WDR82: variants seen among roughly 807,000 people sequenced by gnomAD.
WDR82 encodes the protein WD repeat domain 82, also known as WD repeat-containing protein 82.
A neutral mutation model predicts 36.1 loss-of-function variants in WDR82; 8 were observed. That is an observed-to-expected ratio of 0.22 (90% CI 0.13 to 0.40). The LOEUF is 0.40. Among genes scored for constraint, WDR82 ranks in the 10% least tolerant of loss-of-function variants. The pLI is 1.00. For missense variants in WDR82, 185 were observed against 400.5 expected (o/e 0.46, Z 4.59); for synonymous variants, 129 against 137.8 (o/e 0.94, Z 0.45).
rs1191355353 is a variant in WDR82 at position 52,263,643 on chromosome 3, T to C, written c.327-2164A>G. Reference sequence around the variant, plus strand: ...GGAAAGTGACACATGAGGTTAAACCTAGGGAGAACTAAATAGTTTAACAAC... The same window carrying C: ...GGAAAGTGACACATGAGGTTAAACCCAGGGAGAACTAAATAGTTTAACAAC... On this transcript the variant is annotated intron_variant, in intron 3 of 8. Coordinates refer to ENST00000296490, the MANE Select transcript of WDR82 (RefSeq NM_025222.4). Among the ~76,000 whole-genome samples the C allele has an allele frequency of 2.6e-5, 4 of 152,270 alleles. No individual in the cohort carries two copies. The South Asian group carries it at 8.3e-4, about 32-fold the overall frequency.
Position 52,259,943 on chromosome 3 carries a change from A to C in WDR82, c.544-71T>G, listed in dbSNP as rs1700045995. 5 of 1,501,694 alleles carry C rather than the reference A, an allele frequency of 3.3e-6. No homozygotes were observed. The East Asian group carries it at 9.2e-5, about 27-fold the overall frequency. The allele number at this position is 1,501,694 out of a possible 1,614,324, so 93.0% of individuals were successfully genotyped here. A position where few individuals can be genotyped will look rare whatever the true frequency, so the allele number is the denominator to read the frequency against. ...TTCTGCTAGAGCCAATTCCCATCCTATTCCTTTAGATTACTTTTTGACTAA... is the reference window on the plus strand; with the variant it reads ...TTCTGCTAGAGCCAATTCCCATCCTCTTCCTTTAGATTACTTTTTGACTAA... On this transcript the variant is annotated intron_variant, in intron 5 of 8. Transcript: ENST00000296490.
At chr3:52,262,235 T>C (rs1700068174) in intron 3 of WDR82, among the ~76,000 whole-genome samples, 1 of 152,086 alleles carries the variant, frequency 6.6e-6, no homozygotes, top group Admixed American at 6.5e-5. Flanking sequence ...AGATCAGCAG[T>C]TGGTAGGGGC....
intron 4 of WDR82, 22 bp downstream of exon 4, chr3:52,261,358 T>C: frequency 6.2e-7 from 1 of 1,600,056 alleles, no homozygotes; most frequent in South Asian, 1.1e-5. Context: ...GCTCAAAAAG[T>C]ATAACTGTGA....
chr3:52,258,516 A>C lies in WDR82; in HGVS notation c.912+20T>G. On this transcript the variant is annotated intron_variant, in intron 8 of 8. Coordinates refer to ENST00000296490, the MANE Select transcript of WDR82 (RefSeq NM_025222.4). The stretch of plus-strand genomic sequence containing the variant: ...TGGGAAGGGTCCCTGAGTAGCAGAT[A>C]CCTCTTACTGTTCACATACCATGTT... The C allele has an allele frequency of 6.2e-7, 1 of 1,612,694 alleles. No individual in the cohort carries two copies. The highest frequency in any genetic ancestry group is 8.5e-7 in the Non-Finnish European group (1 of 1,179,840).
intron 3 of WDR82, among the ~76,000 whole-genome samples, chr3:52,263,890 G>A (rs137951053): frequency 6.6e-6 from 1 of 152,342 alleles, no homozygotes; most frequent in Non-Finnish European, 1.5e-5. Flanking sequence ...GGTGCTGGGT[G>A]CAGTGGCTCA....
Position 52,278,426 on chromosome 3 carries a change from G to A in WDR82, c.-65C>T. ...GCGGGGCCCGGCGGCGAGCGGGCGG[G>A]CTGCCGAGGGGCCAACCCAGGCGGG... is the stretch of plus-strand genomic sequence containing the variant. On this transcript the variant is annotated 5_prime_UTR_variant, in exon 1 of 9. Coordinates refer to ENST00000296490, the MANE Select transcript of WDR82 (RefSeq NM_025222.4). The A allele has an allele frequency of 3.3e-6, 4 of 1,211,724 alleles. No homozygotes were observed. Among genetic ancestry groups the A allele is most frequent in the Non-Finnish European group, 4.1e-6 (4 of 973,456 alleles). The allele number at this position is 1,211,724 out of a possible 1,614,324, so 75.1% of individuals were successfully genotyped here. A position where few individuals can be genotyped will look rare whatever the true frequency, so the allele number is the denominator to read the frequency against.
chr3:52,276,596 AAG>A (rs762919214), intron 1 of WDR82, among the ~76,000 whole-genome samples: 6 of 152,202 alleles, frequency 3.9e-5, no homozygotes, highest in African/African-American at 7.2e-5. Context: ...AGGTTCTGGG[AAG>A]AGGTTCTAAT....
At position 52,255,631 on chromosome 3, in the gene WDR82, A is replaced by G. The variant is rs1699999198; in HGVS notation, c.*1859T>C. 1 of 152,120 alleles carries G rather than the reference A, an allele frequency of 6.6e-6. No individual in the cohort carries two copies. Among genetic ancestry groups the G allele is most frequent in the East Asian group, 1.9e-4 (1 of 5,200 alleles). 9.4% of individuals were successfully genotyped at this position (152,120 alleles called of 1,614,324 possible). A position where few individuals can be genotyped will look rare whatever the true frequency, so the allele number is the denominator to read the frequency against. On this transcript the variant is annotated 3_prime_UTR_variant, in exon 9 of 9. Transcript: ENST00000296490. ...TTGCTTAAAAAAAAAAAGTGCTAGC[A>G]ATTCACAGCCTATTCCTGCCCGCTG...
At position 52,259,262 on chromosome 3, in the gene WDR82, T is replaced by A; in HGVS notation, c.704A>T (p.Tyr235Phe). ...CAGTGTGACAGCTTTGCTGTTGGCA[T>A]AACCCTAAAACAAAACAGAGCAGTT... Reference protein sequence around the residue: ...KGVVMHTFGGYANSKAVTLEA... With the variant: ...KGVVMHTFGGFANSKAVTLEA... Residue 235 changes from tyrosine (Y) to phenylalanine (F), a missense_variant, in exon 7 of 9, where the codon TAT (tyrosine) becomes TTT (phenylalanine). Transcript: ENST00000296490. 6.2e-7 allele frequency: 1 copy of A among 1,614,182 alleles called. No individual in the cohort carries two copies. The highest frequency in any genetic ancestry group is 8.5e-7 in the Non-Finnish European group (1 of 1,180,016).
intron 3 of WDR82, among the ~76,000 whole-genome samples, chr3:52,262,317 G>A (rs761547328): frequency 3.3e-5 from 5 of 152,186 alleles, no homozygotes; most frequent in Admixed American, 2.6e-4. Flanking sequence ...TTAGATGATG[G>A]TGATAGTTGT....
chr3:52,272,843 T>C (rs1700167061), intron 1 of WDR82, among the ~76,000 whole-genome samples: 1 of 152,246 alleles, frequency 6.6e-6, no homozygotes. Flanking sequence ...TTTCAATTTT[T>C]GTTAAAGTGA....
At chr3:52,264,857 C>G (rs1339325903) in intron 3 of WDR82, among the ~76,000 whole-genome samples, 2 of 152,078 alleles carry the variant, frequency 1.3e-5, no homozygotes, top group African/African-American at 4.8e-5. Context: ...GTGGCACAAT[C>G]ATGGCTCACT....
intron 1 of WDR82, among the ~76,000 whole-genome samples, chr3:52,277,196 G>A (rs920468488): frequency 6.6e-6 from 1 of 151,934 alleles, no homozygotes; most frequent in African/African-American, 2.4e-5. Context: ...GGTGGCTAAG[G>A]GTAAAACGAA....
intron 2 of WDR82, among the ~76,000 whole-genome samples, chr3:52,269,296 G>A (rs963741885): frequency 6.6e-6 from 1 of 151,924 alleles, no homozygotes; most frequent in Non-Finnish European, 1.5e-5. Context: ...CTAACATGGT[G>A]AAGTCCCAAC....
At position 52,256,722 on chromosome 3, in the gene WDR82, C is replaced by T. The variant is rs1206543191; in HGVS notation, c.*768G>A. The T allele has an allele frequency of 6.5e-6, 1 of 153,724 alleles. No homozygotes were observed. Among genetic ancestry groups the T allele is most frequent in the Non-Finnish European group, 1.5e-5 (1 of 68,070 alleles). The allele number at this position is 153,724 out of a possible 1,614,324, so 9.5% of individuals were successfully genotyped here. ...CCGTGGGTTTGTCTTGATGACAGGG[C>T]ACTGCACCAGGCTGCTGCTAAACCT... On this transcript the variant is annotated 3_prime_UTR_variant, in exon 9 of 9. Transcript: ENST00000296490.
intron 1 of WDR82, among the ~76,000 whole-genome samples, chr3:52,277,521 T>C (rs1172027507): frequency 2.0e-5 from 3 of 152,146 alleles, no homozygotes; most frequent in Non-Finnish European, 2.9e-5. Flanking sequence ...AGTTCGTTTG[T>C]GTGTGGCAAA....
intron 1 of WDR82, among the ~76,000 whole-genome samples, chr3:52,271,241 T>C (rs1043752893): frequency 6.6e-6 from 1 of 152,224 alleles, no homozygotes; most frequent in Non-Finnish European, 1.5e-5. Context: ...TACGGCACCT[T>C]TTCTATGTTT....
chr3:52,266,532 G>C (rs1368334366), intron 3 of WDR82, among the ~76,000 whole-genome samples: 1 of 152,050 alleles, frequency 6.6e-6, no homozygotes, highest in African/African-American at 2.4e-5. Context: ...CTGCCTCCTG[G>C]GTTCAAGCGA....
At position 52,278,263 on chromosome 3, in the gene WDR82, G is replaced by A. The variant is rs1306528859; in HGVS notation, c.99C>T (p.Gly33=). ...KINCFDFSPN[G]ETVISSSDDD... ...CGTCGCTACTCGAGATGACCGTCTC[G>A]CCGTTGGGGCTGAAATCGAAGCAGT... Residue 33 remains glycine (G), a synonymous_variant, in exon 1 of 9, where the codon GGC becomes GGT. Coordinates refer to ENST00000296490, the MANE Select transcript of WDR82 (RefSeq NM_025222.4). The A allele has an allele frequency of 6.2e-7, 1 of 1,611,486 alleles. No homozygotes were observed. The highest frequency in any genetic ancestry group is 8.5e-7 in the Non-Finnish European group (1 of 1,179,000).
Sources: allele counts gnomAD v4.1 joint callset (sites outside exome capture counted in the v4.1 genomes callset), GRCh38; gene constraint gnomAD v4.1.1; transcripts MANE v1.5; gene names NCBI Gene and HGNC (gene_info 2026-07-23, HGNC 2026-07-21).